Variants in ABLIM1 observed in about 807,000 individuals in gnomAD.
ABLIM1 encodes the protein actin binding LIM protein 1.
Under a neutral mutation model 107.0 loss-of-function variants are expected in ABLIM1, and 40 were observed. That is an observed-to-expected ratio of 0.37 (90% CI 0.29 to 0.49). ABLIM1 has a LOEUF of 0.49. Ranked by LOEUF, ABLIM1 falls within the 20% of genes least tolerant of loss-of-function variation. The pLI, the probability that ABLIM1 is intolerant of heterozygous loss-of-function variation, is 0.97. For missense variants in ABLIM1, 857 were observed against 1,008.5 expected (o/e 0.85, Z 2.04); for synonymous variants, 357 against 357.3 (o/e 1.00, Z 0.01).
chr10:114,615,682 T>C (rs2077086475), intron 1 of ABLIM1: 4 of 404,706 alleles, frequency 9.9e-6, no homozygotes, highest in South Asian at 7.0e-5. Context: ...CAACAGTCTT[T>C]GGGTGAAACT....
At chr10:114,559,812 A>G (rs2069400008) in intron 4 of ABLIM1, among the ~76,000 whole-genome samples, 1 of 152,214 alleles carries the variant, frequency 6.6e-6, no homozygotes, top group African/African-American at 2.4e-5. Context: ...GAGAGTTTAG[A>G]AAACCTGAAG....
intron 6 of ABLIM1, among the ~76,000 whole-genome samples, chr10:114,518,077 T>C (rs138341901): frequency 8.5e-5 from 13 of 152,348 alleles, no homozygotes; most frequent in Admixed American, 8.5e-4. Context: ...AACACTGAGT[T>C]ACTGCCAAGT....
In ABLIM1 at chr10:114,742,143, T is replaced by C. The variant is rs144910131; in HGVS notation, c.-213+25918A>G. Among the ~76,000 whole-genome samples, 104 of 152,338 alleles carry C rather than the reference T, an allele frequency of 6.8e-4. 1 individual carries two copies. The East Asian group carries it at 0.014, about 20-fold the overall frequency. On this transcript the variant is annotated intron_variant, in intron 1 of 15. Transcript: ENST00000651092. ...ACCTTGGCAGAAAGCTAGCTTTGAC[T>C]CTCAAAGCTGACTTCCTTTTAATGA...
At position 114,465,817 on chromosome 10, in the gene ABLIM1, T is replaced by A. The variant is rs1300748316; in HGVS notation, c.1322A>T (p.Asp441Val). The A allele has an allele frequency of 6.2e-7, 1 of 1,614,032 alleles. No individual in the cohort carries two copies. The highest frequency in any genetic ancestry group is 2.2e-5 in the East Asian group (1 of 44,872). The change falls in exon 12 of 23, where the codon GAT becomes GTT. Residue 441 changes from aspartate to valine, a missense_variant. Coordinates refer to ENST00000533213, the MANE Select transcript of ABLIM1 (RefSeq NM_002313.7). The part of the protein sequence containing the change: ...SPTPSAEGYQ[D>V]VRDRMIHRST... ...CCGATGGATCATCCGATCCCGAACA[T>A]CCTGGTACCCCTGGAAACAAAGTTC... is the stretch of plus-strand genomic sequence containing the variant.
At chr10:114,574,445 TTTTA>T (rs1219291566) in intron 3 of ABLIM1, among the ~76,000 whole-genome samples, 2 of 150,734 alleles carry the variant, frequency 1.3e-5, no homozygotes, top group Admixed American at 6.6e-5. Flanking sequence ...ATTTATTTTA[TTTTA>T]TTTTTTTTGA....
At chr10:114,761,179 A>G (rs2082736830) in intron 1 of ABLIM1, among the ~76,000 whole-genome samples, 1 of 150,408 alleles carries the variant, frequency 6.6e-6, no homozygotes, top group Non-Finnish European at 1.5e-5. Flanking sequence ...GTAAGAGAGA[A>G]GAAAGATGAA....
At chr10:114,440,859 A>T in intron 19 of ABLIM1, 158 bp downstream of exon 19, 1 of 773,992 alleles carries the variant, frequency 1.3e-6, no homozygotes, top group Non-Finnish European at 2.3e-6. Context: ...TATTCTTTGA[A>T]ATTTTGTAAA....
Position 114,707,902 on chromosome 10 carries a change from A to AAAACAAAC in ABLIM1, c.-213+60151_-213+60158dup, listed in dbSNP as rs766111459. ...GGCGACAAGAGCAAAACTCCGTCTC[A>AAAACAAAC]AAACAAACAAACAAACAAACAACAA... On this transcript the variant is annotated intron_variant, in intron 1 of 15. Coordinates refer to the ABLIM1 transcript ENST00000651092. The surrounding 1 kb of genome is among the most constrained non-coding windows in gnomAD (Gnocchi z 4.1). 6.6e-6 allele frequency among the ~76,000 whole-genome samples: 1 copy of AAAACAAAC among 151,510 alleles called. No homozygotes were observed. The highest frequency in any genetic ancestry group is 2.1e-4 in the South Asian group (1 of 4,820).
chr10:114,522,809 A>G (rs1292234646), intron 6 of ABLIM1, among the ~76,000 whole-genome samples: 1 of 152,208 alleles, frequency 6.6e-6, no homozygotes, highest in African/African-American at 2.4e-5. Flanking sequence ...CTGCAGCTTA[A>G]GGTACAAGAA....
chr10:114,642,112 C>T (rs116812232), intron 1 of ABLIM1, among the ~76,000 whole-genome samples: 3 of 151,690 alleles, frequency 2.0e-5, no homozygotes, highest in African/African-American at 4.8e-5. Flanking sequence ...AGGCTGGTCT[C>T]GAGCTCCTGG....
At chr10:114,758,237 G>A (rs1229920365) in intron 1 of ABLIM1, among the ~76,000 whole-genome samples, 1 of 152,010 alleles carries the variant, frequency 6.6e-6, no homozygotes, top group Non-Finnish European at 1.5e-5. Context: ...AGACCACTTA[G>A]TAGGTGTTCA....
intron 4 of ABLIM1, among the ~76,000 whole-genome samples, chr10:114,556,884 G>A (rs541923337): frequency 6.6e-6 from 1 of 152,260 alleles, no homozygotes; most frequent in East Asian, 1.9e-4. Flanking sequence ...CCATGCGTAT[G>A]AGGTCAACAT....
At chr10:114,675,561 C>A (rs905707204) in intron 1 of ABLIM1, among the ~76,000 whole-genome samples, 4 of 152,192 alleles carry the variant, frequency 2.6e-5, no homozygotes, top group African/African-American at 9.7e-5. Flanking sequence ...ATAAATTACC[C>A]AGTCTCAGGT....
chr10:114,582,129 C>T lies in ABLIM1; in HGVS notation c.380-6530G>A, dbSNP rs140197438. ...TACCTGGAAAACCCTAAAGACTCCA[C>T]CAAAAGGCTCCTAGAACTGACACAT... On this transcript the variant is annotated intron_variant, in intron 2 of 22. Transcript: ENST00000533213. Among the ~76,000 whole-genome samples, 517 of 152,222 alleles carry T rather than the reference C, an allele frequency of 3.4e-3. 1 individual carries two copies. Among genetic ancestry groups the T allele is most frequent in the African/African-American group, 0.012 (496 of 41,524 alleles).
At chr10:114,798,555 G>GAC in the ABLIM1 span, among the ~76,000 whole-genome samples, 1 of 73,816 alleles carries the variant, frequency 1.4e-5, no homozygotes, top group Non-Finnish European at 2.8e-5. Flanking sequence ...AAGATGATGA[G>GAC]ACCCCCCCCC....
chr10:114,521,639 G>A (rs1322647880), intron 6 of ABLIM1, among the ~76,000 whole-genome samples: 2 of 152,020 alleles, frequency 1.3e-5, no homozygotes, highest in African/African-American at 2.4e-5. Flanking sequence ...AAATTTACTC[G>A]GTAGTCAACC....
chr10:114,730,542 G>A (rs988836498), intron 1 of ABLIM1, among the ~76,000 whole-genome samples: 2 of 151,764 alleles, frequency 1.3e-5, no homozygotes, highest in African/African-American at 4.8e-5. Context: ...ACACAAATTA[G>A]AGCTAAGTTC....
At chr10:114,737,288 C>T (rs944810159) in intron 1 of ABLIM1, among the ~76,000 whole-genome samples, 3 of 152,188 alleles carry the variant, frequency 2.0e-5, no homozygotes, top group Non-Finnish European at 4.4e-5. Context: ...GCCTGGGCAA[C>T]ACAGCAAGAC....
rs952152383 is a variant in ABLIM1 at position 114,561,058 on chromosome 10, A to T, written c.673+10239T>A. Among the ~76,000 whole-genome samples the T allele has an allele frequency of 2.6e-5, 4 of 152,372 alleles. No individual in the cohort carries two copies. In the East Asian group the frequency reaches 7.7e-4, roughly 29 times the overall value. ...TTTTATGCTATGTGAATTTCACCTCAATTAAAACAAATTGTTTCCAGAAAA... is the reference window on the plus strand; with the variant it reads ...TTTTATGCTATGTGAATTTCACCTCTATTAAAACAAATTGTTTCCAGAAAA... On this transcript the variant is annotated intron_variant, in intron 4 of 22. Transcript: ENST00000533213.
Sources: gnomAD v4.1 joint callset for allele counts (sites outside exome capture counted in the v4.1 genomes callset) on GRCh38, gnomAD v4.1.1 for gene constraint, Gnocchi (gnomAD v3.1) non-coding constraint, MANE v1.5 for transcripts, NCBI Gene and HGNC (gene_info 2026-07-23, HGNC 2026-07-21) for gene names.